The following LPAR1 variants were observed in gnomAD, a reference collection of about 807,000 sequenced individuals.
LPAR1 encodes lysophosphatidic acid receptor 1.
LPAR1 carries 5 observed loss-of-function variants against 23.8 expected under a neutral mutation model. The ratio of observed to expected loss-of-function variants is 0.21; its 90% CI spans 0.11 to 0.44. The LOEUF (loss-of-function observed/expected upper bound fraction) is 0.44, where lower values mean the gene tolerates loss of function less well. Ranked by LOEUF, LPAR1 falls within the 20% of genes least tolerant of loss-of-function variation. The pLI is 0.99. For synonymous variants in LPAR1, 160 were observed against 164.7 expected, an observed-to-expected ratio of 0.97 and a Z score of 0.22; for missense variants, 311 against 482.8, an observed-to-expected ratio of 0.64 and a Z score of 3.33.
chr9:110,902,279 G>C (rs1293754938), intron 5 of LPAR1, among the ~76,000 whole-genome samples: 1 of 152,126 alleles, frequency 6.6e-6, no homozygotes, highest in Non-Finnish European at 1.5e-5. Flanking sequence ...TTGTTTGGCT[G>C]TGTCCCCACC....
chr9:110,925,234 A>G (rs1260029144), intron 5 of LPAR1, among the ~76,000 whole-genome samples: 1 of 150,166 alleles, frequency 6.7e-6, no homozygotes, highest in Non-Finnish European at 1.5e-5. Flanking sequence ...ATATAGATAT[A>G]TGACATAATA....
At chr9:111,030,816 C>T (rs554740909) in intron 2 of LPAR1, among the ~76,000 whole-genome samples, 14 of 152,310 alleles carry the variant, frequency 9.2e-5, no homozygotes, top group Non-Finnish European at 1.5e-4. Flanking sequence ...AGGGCCCATG[C>T]AGGCTCTTCC....
chr9:110,898,723 A>G (rs910730928), intron 5 of LPAR1, among the ~76,000 whole-genome samples: 2 of 152,246 alleles, frequency 1.3e-5, no homozygotes, highest in African/African-American at 4.8e-5. Context: ...CTACAAAATG[A>G]AGGAGATCAC....
In LPAR1 at chr9:110,984,787, C is replaced by T. The variant is rs543084689; in HGVS notation, c.-181-11229G>A. Among the ~76,000 whole-genome samples the T allele has an allele frequency of 5.4e-5, 8 of 147,982 alleles. No homozygotes were observed. In the South Asian group the frequency reaches 1.7e-3, roughly 32 times the overall value. On this transcript the variant is annotated intron_variant, in intron 2 of 5. Coordinates refer to ENST00000683809, the MANE Select transcript of LPAR1 (RefSeq NM_001351411.2). ...TAACGGTGACAAAAAAAAAAGAATG[C>T]AGTTTTAACTAATAGGAAAAAAAAA...
intron 5 of LPAR1, among the ~76,000 whole-genome samples, chr9:110,934,823 C>T (rs199605505): frequency 1.2e-5 from 1 of 84,222 alleles, no homozygotes; most frequent in African/African-American, 3.6e-5. Context: ...CACACACAAA[C>T]ACACACACAC....
chr9:110,911,277 T>A (rs201255341), intron 5 of LPAR1, among the ~76,000 whole-genome samples: 1 of 152,140 alleles, frequency 6.6e-6, no homozygotes, highest in East Asian at 1.9e-4. Flanking sequence ...CAGGGCATGG[T>A]GGTGCACGCC....
chr9:110,995,498 T>A (rs951330592), intron 2 of LPAR1, among the ~76,000 whole-genome samples: 1 of 152,172 alleles, frequency 6.6e-6, no homozygotes, highest in East Asian at 1.9e-4. Flanking sequence ...TTCTTCCTCA[T>A]TGAAAACCCT....
chr9:110,971,111 G>A (rs959431580), intron 4 of LPAR1, among the ~76,000 whole-genome samples: 3 of 151,992 alleles, frequency 2.0e-5, no homozygotes, highest in Non-Finnish European at 2.9e-5. Flanking sequence ...CTCCAGCCTG[G>A]GCAACAGAGC....
At chr9:110,905,349 A>ATTT (rs568073138) in intron 5 of LPAR1, among the ~76,000 whole-genome samples, 399 of 145,164 alleles carry the variant, frequency 2.7e-3, no homozygotes, top group African/African-American at 8.7e-3. Context: ...TTTTTTTATT[A>ATTT]TTTTTTTTTT....
At chr9:111,015,924 C>G (rs901948762) in intron 2 of LPAR1, among the ~76,000 whole-genome samples, 2 of 151,768 alleles carry the variant, frequency 1.3e-5, no homozygotes, top group African/African-American at 4.8e-5. Context: ...CCAGCCTCCT[C>G]ATGCACGGCA....
rs2097943034 is a variant in LPAR1, at chr9:111,038,469, C to T, written c.-564G>A. The T allele has an allele frequency of 2.7e-6, 1 of 367,182 alleles. No homozygotes were observed. Among genetic ancestry groups the T allele is most frequent in the Non-Finnish European group, 5.4e-6 (1 of 185,104 alleles). The allele number at this position is 367,182 out of a possible 1,614,324, so 22.7% of individuals were successfully genotyped here. A position where few individuals can be genotyped will look rare whatever the true frequency, so the allele number is the denominator to read the frequency against. On this transcript the variant is annotated 5_prime_UTR_variant, in exon 1 of 6. Coordinates refer to ENST00000683809, the MANE Select transcript of LPAR1 (RefSeq NM_001351411.2). The surrounding 1 kb of genome is among the most constrained non-coding windows in gnomAD (Gnocchi z 4.4). ...AGCGTCAGCCGCCAGTCGGCCCCTACTGCCCGGCTTTGGCGCGCTGGCAGG... is the reference window on the plus strand; with the variant it reads ...AGCGTCAGCCGCCAGTCGGCCCCTATTGCCCGGCTTTGGCGCGCTGGCAGG...
intron 2 of LPAR1, among the ~76,000 whole-genome samples, chr9:111,004,441 T>G (rs1262290394): frequency 6.6e-6 from 1 of 152,134 alleles, no homozygotes; most frequent in African/African-American, 2.4e-5. Flanking sequence ...AAACTGTGCT[T>G]ATTGCTTTTA....
intron 4 of LPAR1, among the ~76,000 whole-genome samples, chr9:110,968,942 A>C (rs2096314746): frequency 6.6e-6 from 1 of 152,118 alleles, no homozygotes; most frequent in Non-Finnish European, 1.5e-5. Flanking sequence ...AGAGGCACTA[A>C]GAGGGTGGAT....
chr9:111,013,825 A>G (rs909931017), intron 2 of LPAR1, among the ~76,000 whole-genome samples: 3 of 152,148 alleles, frequency 2.0e-5, no homozygotes, highest in African/African-American at 7.2e-5. Flanking sequence ...ATCATCAAGC[A>G]AGTCATTATC....
At chr9:110,881,581 T>C (rs973149195) in intron 5 of LPAR1, among the ~76,000 whole-genome samples, 5 of 152,166 alleles carry the variant, frequency 3.3e-5, no homozygotes, top group African/African-American at 1.2e-4. Context: ...CCTGCAACTG[T>C]ACCTTGGAAA....
At chr9:110,960,689 G>A (rs2095936771) in intron 4 of LPAR1, among the ~76,000 whole-genome samples, 1 of 152,132 alleles carries the variant, frequency 6.6e-6, no homozygotes, top group Non-Finnish European at 1.5e-5. Context: ...GCCATTAAGA[G>A]AGAGAGGAAG....
At chr9:111,010,414 C>A (rs1489699959) in intron 2 of LPAR1, among the ~76,000 whole-genome samples, 1 of 152,014 alleles carries the variant, frequency 6.6e-6, no homozygotes, top group Non-Finnish European at 1.5e-5. Context: ...AATTTTGATT[C>A]TTGGGAACCA....
At chr9:111,009,640 A>G (rs1053943683) in intron 2 of LPAR1, among the ~76,000 whole-genome samples, 3 of 151,984 alleles carry the variant, frequency 2.0e-5, no homozygotes, top group East Asian at 1.9e-4. Flanking sequence ...ATTATATATG[A>G]ATCACTTTTA....
At chr9:110,959,492 C>T (rs1424459543) in intron 4 of LPAR1, among the ~76,000 whole-genome samples, 1 of 152,016 alleles carries the variant, frequency 6.6e-6, no homozygotes, top group African/African-American at 2.4e-5. Flanking sequence ...GTGGTACACA[C>T]CTGTGGTCCT....
Sources: allele counts gnomAD v4.1 joint callset (sites outside exome capture counted in the v4.1 genomes callset), GRCh38; gene constraint gnomAD v4.1.1; non-coding constraint Gnocchi (gnomAD v3.1); transcripts MANE v1.5; gene names NCBI Gene and HGNC (gene_info 2026-07-23, HGNC 2026-07-21).